ROBO2: variants seen among roughly 807,000 people sequenced by gnomAD.
ROBO2 encodes the protein roundabout homolog 2.
ROBO2 carries 53 observed loss-of-function variants against 160.8 expected under a neutral mutation model. That is an observed-to-expected ratio of 0.33 (90% CI 0.26 to 0.41). The LOEUF (loss-of-function observed/expected upper bound fraction) is 0.41. Ranked by LOEUF, ROBO2 falls within the 10% of genes least tolerant of loss-of-function variation. The pLI is 1.00. For synonymous variants in ROBO2, 664 were observed against 611.7 expected, an observed-to-expected ratio of 1.09 and a Z score of -1.26; for missense variants, 1,577 against 1,722.4, an observed-to-expected ratio of 0.92 and a Z score of 1.49.
In ROBO2 at chr3:76,185,215, TAC is replaced by T. The variant is rs1553669701; in HGVS notation, c.109+247621_109+247622del. Among the ~76,000 whole-genome samples the T allele has an allele frequency of 7.0e-4, 63 of 90,252 alleles. 1 individual carries two copies. Among genetic ancestry groups the T allele is most frequent in the East Asian group, 8.1e-4 (3 of 3,702 alleles). The allele number at this position is 90,252 out of a possible 152,430, so 59.2% of individuals were successfully genotyped here. A position where few individuals can be genotyped will look rare whatever the true frequency, so the allele number is the denominator to read the frequency against. On this transcript the variant is annotated intron_variant, in intron 2 of 26. Coordinates refer to the ROBO2 transcript ENST00000487694. ...ACACAGATATATATATATATATATA[TAC>T]ACACACAAAGATGTTATATATACAT...
At chr3:76,651,637 A>G (rs2109889986) in intron 2 of ROBO2, among the ~76,000 whole-genome samples, 1 of 152,212 alleles carries the variant, frequency 6.6e-6, no homozygotes, top group South Asian at 2.1e-4. Context: ...GAATTGAAAA[A>G]TTATGGGGAG....
At chr3:77,290,201 G>A (rs566018553) in intron 2 of ROBO2, among the ~76,000 whole-genome samples, 14 of 150,658 alleles carry the variant, frequency 9.3e-5, no homozygotes, top group South Asian at 8.5e-4. Flanking sequence ...ATGGTTAAAC[G>A]GGTAATCTGA....
At chr3:76,179,665 A>G (rs774969961) in intron 2 of ROBO2, among the ~76,000 whole-genome samples, 2 of 152,090 alleles carry the variant, frequency 1.3e-5, no homozygotes, top group Non-Finnish European at 2.9e-5. Context: ...GGTATAATCA[A>G]GGTGATACTA....
intron 24 of ROBO2, among the ~76,000 whole-genome samples, chr3:77,636,386 G>T (rs1198515953): frequency 2.0e-5 from 3 of 152,018 alleles, no homozygotes; most frequent in Non-Finnish European, 4.4e-5. Context: ...AGGGTCAGAA[G>T]ATCAAAACCA....
chr3:77,571,134 C>G (rs2093627752), intron 13 of ROBO2, among the ~76,000 whole-genome samples: 1 of 151,948 alleles, frequency 6.6e-6, no homozygotes, highest in Non-Finnish European at 1.5e-5. Flanking sequence ...GCCCATTAAG[C>G]ATTTTTCCAC....
intron 2 of ROBO2, among the ~76,000 whole-genome samples, chr3:77,346,092 C>T (rs1423181621): frequency 1.3e-5 from 2 of 152,080 alleles, no homozygotes; most frequent in Middle Eastern, 3.2e-3. Context: ...TGATATATTG[C>T]TTGCAACCAA....
At position 77,034,410 on chromosome 3, in the gene ROBO2, G is replaced by A. The variant is rs150149813; in HGVS notation, c.110-63604G>A. Among the ~76,000 whole-genome samples the A allele has an allele frequency of 3.7e-3, 556 of 149,552 alleles. 6 individuals are homozygous for A. Among genetic ancestry groups the A allele is most frequent in the African/African-American group, 0.013 (535 of 40,862 alleles). On this transcript the variant is annotated intron_variant, in intron 2 of 26. Coordinates refer to the ROBO2 transcript ENST00000487694. Reference sequence around the variant, plus strand: ...AAAAAAAAAAAGAAAACAACTTCAGGTACTCCACAAGTAGTCAGAATTTGT... The same window carrying A: ...AAAAAAAAAAAGAAAACAACTTCAGATACTCCACAAGTAGTCAGAATTTGT...
At chr3:76,294,624 C>T (rs1458256560) in intron 2 of ROBO2, among the ~76,000 whole-genome samples, 1 of 152,200 alleles carries the variant, frequency 6.6e-6, no homozygotes, top group Non-Finnish European at 1.5e-5. Flanking sequence ...CGGTAGAATG[C>T]TTCTCCATAT....
At chr3:76,325,921 A>T (rs1243712622) in intron 2 of ROBO2, among the ~76,000 whole-genome samples, 1 of 152,154 alleles carries the variant, frequency 6.6e-6, no homozygotes, top group African/African-American at 2.4e-5. Flanking sequence ...ATTATTCAAG[A>T]TTCCATTATT....
intron 2 of ROBO2, among the ~76,000 whole-genome samples, chr3:76,723,460 T>C (rs142837760): frequency 5.3e-5 from 8 of 152,270 alleles, no homozygotes; most frequent in Admixed American, 5.2e-4. Context: ...TTGAAGAAAA[T>C]AATGTTCTGG....
chr3:75,916,994 C>T (rs62269785), intron 1 of ROBO2, among the ~76,000 whole-genome samples: 102 of 3,614 alleles, frequency 0.028, no homozygotes, highest in East Asian at 0.075. Flanking sequence ...TATATATATA[C>T]ACACACACAT....
rs1011335966 is a variant in ROBO2 at position 76,359,108 on chromosome 3, G to T, written c.109+421506G>T. Among the ~76,000 whole-genome samples, 7 of 151,880 alleles carry T rather than the reference G, an allele frequency of 4.6e-5. No individual in the cohort carries two copies. The South Asian group carries it at 1.0e-3, about 23-fold the overall frequency. ...CCCTACAAAGGACATGAGCTCATCAGTTTTTATGGCTGCATAGTATTCCAT... is the reference window on the plus strand; with the variant it reads ...CCCTACAAAGGACATGAGCTCATCATTTTTTATGGCTGCATAGTATTCCAT... On this transcript the variant is annotated intron_variant, in intron 2 of 26. Coordinates refer to the ROBO2 transcript ENST00000487694.
At chr3:76,051,382 T>G (rs1334644922) in intron 2 of ROBO2, among the ~76,000 whole-genome samples, 1 of 152,178 alleles carries the variant, frequency 6.6e-6, no homozygotes, top group Non-Finnish European at 1.5e-5. Flanking sequence ...AGGGATAACA[T>G]CCTACTTTTT....
chr3:76,308,904 G>A (rs923447783), intron 2 of ROBO2, among the ~76,000 whole-genome samples: 55 of 152,300 alleles, frequency 3.6e-4, no homozygotes, highest in African/African-American at 1.3e-3. Context: ...AATCTAACCA[G>A]CTTTACCCCA....
chr3:77,241,799 G>C (rs1000641685), intron 2 of ROBO2, among the ~76,000 whole-genome samples: 2 of 152,106 alleles, frequency 1.3e-5, no homozygotes, highest in Non-Finnish European at 2.9e-5. Context: ...TCAATACCAG[G>C]AAGCAAACTA....
At chr3:77,211,504 G>A (rs950175762) in intron 2 of ROBO2, among the ~76,000 whole-genome samples, 1 of 152,174 alleles carries the variant, frequency 6.6e-6, no homozygotes, top group Non-Finnish European at 1.5e-5. Context: ...CAGATGAGTA[G>A]ATTGCAAAAT....
intron 2 of ROBO2, among the ~76,000 whole-genome samples, chr3:76,966,030 C>G (rs372562107): frequency 6.7e-6 from 1 of 148,290 alleles, no homozygotes; most frequent in African/African-American, 2.5e-5. Context: ...TCAAGTGCTT[C>G]TCCTGCCTCA....
chr3:77,102,667 T>C (rs150045292), intron 2 of ROBO2, among the ~76,000 whole-genome samples: 1,574 of 152,262 alleles, frequency 0.01, 22 homozygotes, highest in African/African-American at 0.036. Context: ...TAACCATCTG[T>C]CTTGACTGAT....
intron 16 of ROBO2, among the ~76,000 whole-genome samples, chr3:77,583,982 T>A (rs1206186672): frequency 6.6e-6 from 1 of 152,166 alleles, no homozygotes; most frequent in Non-Finnish European, 1.5e-5. Flanking sequence ...GTTTATCTGG[T>A]CTTCCTAACA....
Sources: allele counts gnomAD v4.1 joint callset (sites outside exome capture counted in the v4.1 genomes callset), GRCh38; gene constraint gnomAD v4.1.1; transcripts MANE v1.5; gene names NCBI Gene and HGNC (gene_info 2026-07-23, HGNC 2026-07-21).